Variants in FAM13A observed in about 807,000 individuals in gnomAD.
FAM13A encodes protein FAM13A.
In FAM13A, 76 loss-of-function variants were observed where a neutral mutation model predicts 129.6. The observed-to-expected ratio is 0.59, with a 90% CI of 0.49 to 0.71. The LOEUF (loss-of-function observed/expected upper bound fraction) is 0.71. Ranked by LOEUF, FAM13A falls within the 30% of genes least tolerant of loss-of-function variation. FAM13A has a pLI of 0.00. For missense variants in FAM13A, 1,108 were observed against 1,249.3 expected, an observed-to-expected ratio of 0.89 and a Z score of 1.70; for synonymous variants, 443 against 449.9, an observed-to-expected ratio of 0.98 and a Z score of 0.20.
At position 88,726,084 on chromosome 4, in the gene FAM13A, A is replaced by G. The variant is rs997318851; in HGVS notation, c.*2449T>C. Reference sequence around the variant, plus strand: ...CCCAACACAGCAAAGGAAAAATCCCAGTCCAGAGCATTTTGTCTTTGTGAA... The same window carrying G: ...CCCAACACAGCAAAGGAAAAATCCCGGTCCAGAGCATTTTGTCTTTGTGAA... On this transcript the variant is annotated 3_prime_UTR_variant, in exon 24 of 24. Coordinates refer to ENST00000264344, the MANE Select transcript of FAM13A (RefSeq NM_014883.4). 3 of 152,214 alleles carry G rather than the reference A, an allele frequency of 2.0e-5. No individual in the cohort carries two copies. The highest frequency in any genetic ancestry group is 7.2e-5 in the African/African-American group (3 of 41,460). 9.4% of individuals were successfully genotyped at this position (152,214 alleles called of 1,614,324 possible). A position where few individuals can be genotyped will look rare whatever the true frequency, so the allele number is the denominator to read the frequency against.
chr4:88,980,668 C>G (rs1415150489), intron 4 of FAM13A, among the ~76,000 whole-genome samples: 1 of 152,102 alleles, frequency 6.6e-6, no homozygotes, highest in African/African-American at 2.4e-5. Flanking sequence ...AATATGTGAT[C>G]CTACAGCTTG....
chr4:88,781,831 A>AAG (rs1722937314), intron 10 of FAM13A, among the ~76,000 whole-genome samples: 1 of 148,790 alleles, frequency 6.7e-6, no homozygotes, highest in East Asian at 1.9e-4. Flanking sequence ...CACAGTCCGG[A>AAG]GACTGTTGTG....
intron 8 of FAM13A, among the ~76,000 whole-genome samples, chr4:88,792,639 TGA>T (rs1479710735): frequency 1.3e-5 from 2 of 152,050 alleles, no homozygotes; most frequent in African/African-American, 4.8e-5. Flanking sequence ...ACCTTGGTTT[TGA>T]GAGCAGGGAC....
At chr4:88,979,864 G>A (rs1761432842) in intron 4 of FAM13A, among the ~76,000 whole-genome samples, 1 of 152,052 alleles carries the variant, frequency 6.6e-6, no homozygotes, top group South Asian at 2.1e-4. Context: ...CTAGCTACTT[G>A]GGAGGCTGAG....
intron 7 of FAM13A, among the ~76,000 whole-genome samples, chr4:88,815,601 T>C (rs540156318): frequency 3.3e-5 from 5 of 152,266 alleles, no homozygotes; most frequent in African/African-American, 1.2e-4. Context: ...AGGACATAGA[T>C]CAAAAGATTC....
intron 3 of FAM13A, among the ~76,000 whole-genome samples, chr4:89,010,159 T>C (rs918926925): frequency 2.6e-5 from 4 of 152,194 alleles, no homozygotes; most frequent in Non-Finnish European, 2.9e-5. Context: ...CTATACAGTA[T>C]GTACTGACCT....
rs115066115 is a variant in FAM13A, at chr4:88,912,064, A to T, written c.760-5602T>A. On this transcript the variant is annotated intron_variant, in intron 5 of 23. Transcript: ENST00000264344. ...TATTCTTGAATTACTGTCTTCTCTT[A>T]GCTTCCATGACATCACTGGTAGGTG... Among the ~76,000 whole-genome samples the T allele has an allele frequency of 7.4e-3, 1,133 of 152,344 alleles. 19 individuals are homozygous for T. The highest frequency in any genetic ancestry group is 0.026 in the African/African-American group (1,061 of 41,576).
chr4:88,948,831 GTC>G, intron 4 of FAM13A, among the ~76,000 whole-genome samples: 1 of 152,128 alleles, frequency 6.6e-6, no homozygotes, highest in East Asian at 1.9e-4. Context: ...GGTTATGACT[GTC>G]TGAGAGCAAT....
intron 5 of FAM13A, among the ~76,000 whole-genome samples, chr4:88,928,475 T>C (rs186132107): frequency 1.3e-5 from 2 of 152,308 alleles, no homozygotes; most frequent in African/African-American, 4.8e-5. Flanking sequence ...GAAATATTTG[T>C]TTTGTGACTC....
intron 3 of FAM13A, among the ~76,000 whole-genome samples, chr4:89,003,760 A>G (rs1213876906): frequency 6.6e-6 from 1 of 152,348 alleles, no homozygotes; most frequent in East Asian, 1.9e-4. Flanking sequence ...TAAATTTGTG[A>G]TATATCAATA....
At chr4:88,991,830 A>C (rs1041067392) in intron 3 of FAM13A, among the ~76,000 whole-genome samples, 1 of 152,146 alleles carries the variant, frequency 6.6e-6, no homozygotes, top group Admixed American at 6.5e-5. Flanking sequence ...TTTTTCAACT[A>C]AGCCCTGTTC....
chr4:88,830,650 C>T (rs937428658), intron 7 of FAM13A, among the ~76,000 whole-genome samples: 6 of 152,102 alleles, frequency 3.9e-5, no homozygotes, highest in Non-Finnish European at 7.4e-5. Flanking sequence ...AAAAGTGATA[C>T]GGGCTTACTT....
At chr4:88,797,007 A>T (rs531808085) in intron 8 of FAM13A, among the ~76,000 whole-genome samples, 89 of 152,256 alleles carry the variant, frequency 5.8e-4, no homozygotes, top group African/African-American at 2.1e-3. Flanking sequence ...AAATAGACAA[A>T]AAAACCTCTT....
chr4:88,930,220 C>T (rs555957534), intron 5 of FAM13A, among the ~76,000 whole-genome samples: 3 of 152,284 alleles, frequency 2.0e-5, no homozygotes, highest in African/African-American at 4.8e-5. Context: ...TGTTACTGGA[C>T]ACTTGTTGTG....
At chr4:88,818,191 G>A (rs550625482) in intron 7 of FAM13A, among the ~76,000 whole-genome samples, 30 of 151,914 alleles carry the variant, frequency 2.0e-4, no homozygotes, top group Middle Eastern at 3.4e-3. Flanking sequence ...TAGTAGAGAC[G>A]GATTTCACCA....
At chr4:88,744,901 A>C (rs775059880) in intron 19 of FAM13A, among the ~76,000 whole-genome samples, 3 of 152,174 alleles carry the variant, frequency 2.0e-5, no homozygotes, top group Non-Finnish European at 4.4e-5. Context: ...AGATGCTAGA[A>C]TCCGGACCCA....
chr4:88,934,089 C>G (rs905207332), intron 5 of FAM13A, among the ~76,000 whole-genome samples: 1 of 152,138 alleles, frequency 6.6e-6, no homozygotes, highest in African/African-American at 2.4e-5. Context: ...ACTCTTCTCT[C>G]AAGTGTCTTC....
intron 5 of FAM13A, among the ~76,000 whole-genome samples, chr4:88,908,423 T>C (rs1748513442): frequency 1.3e-5 from 2 of 152,206 alleles, no homozygotes; most frequent in African/African-American, 4.8e-5. Flanking sequence ...GGCTGACTGT[T>C]AAGGGAAATT....
At chr4:89,056,222 A>C (rs1772180302) in intron 1 of FAM13A, among the ~76,000 whole-genome samples, 1 of 152,224 alleles carries the variant, frequency 6.6e-6, no homozygotes, top group South Asian at 2.1e-4. Context: ...AAATTACAGC[A>C]TTCTGCAAAT....
Sources: gnomAD v4.1 joint callset for allele counts (sites outside exome capture counted in the v4.1 genomes callset) on GRCh38, gnomAD v4.1.1 for gene constraint, MANE v1.5 for transcripts, NCBI Gene and HGNC (gene_info 2026-07-23, HGNC 2026-07-21) for gene names.